The following SORCS2 variants were observed in gnomAD, a reference collection of about 807,000 sequenced individuals.
The protein encoded by SORCS2 is sortilin related VPS10 domain containing receptor 2.
SORCS2 carries 100 observed loss-of-function variants against 141.6 expected under a neutral mutation model. The ratio of observed to expected loss-of-function variants is 0.71; its 90% confidence interval spans 0.60 to 0.83. The LOEUF is 0.83. Ranked by LOEUF, SORCS2 falls within the 40% of genes least tolerant of loss-of-function variation. The probability of loss-of-function intolerance (pLI) is 0.00; values close to 1 mark genes in which losing one functional copy is unlikely to be tolerated. For missense variants in SORCS2, 1,646 were observed against 1,560.2 expected (o/e 1.05, Z -0.93); for synonymous variants, 789 against 676.9 (o/e 1.17, Z -2.57).
intron 1 of SORCS2, among the ~76,000 whole-genome samples, chr4:7,280,593 G>A (rs180928347): frequency 2.6e-5 from 4 of 152,326 alleles, no homozygotes; most frequent in African/African-American, 4.8e-5. Flanking sequence ...GGATGGCGTG[G>A]TAAGAATATA....
intron 3 of SORCS2, among the ~76,000 whole-genome samples, chr4:7,578,669 G>A (rs933908355): frequency 2.0e-5 from 3 of 152,176 alleles, no homozygotes; most frequent in Non-Finnish European, 2.9e-5. Context: ...GGGGCAGGCC[G>A]CCTGGGCTGC....
At chr4:7,350,929 G>A (rs1342249602) in intron 1 of SORCS2, among the ~76,000 whole-genome samples, 1 of 152,142 alleles carries the variant, frequency 6.6e-6, no homozygotes, top group Non-Finnish European at 1.5e-5. Context: ...TCTTCCCTGT[G>A]CTACTGTCTA....
rs190260943 is a variant in SORCS2, at chr4:7,373,818, A to T, written c.481-22470A>T. 1.6e-3 allele frequency among the ~76,000 whole-genome samples: 238 copies of T among 152,074 alleles called. 1 individual carries two copies. Among genetic ancestry groups the T allele is most frequent in the South Asian group, 4.0e-3 (19 of 4,810 alleles). On this transcript the variant is annotated intron_variant, in intron 1 of 26. Transcript: ENST00000507866. ...CTTTATATATTCTGACTGCAAATCC[A>T]TTGCTGGATGTGTACTTTGCAAAAA...
chr4:7,222,728 G>A (rs1259471491), intron 1 of SORCS2, among the ~76,000 whole-genome samples: 2 of 152,096 alleles, frequency 1.3e-5, no homozygotes, highest in African/African-American at 2.4e-5. Flanking sequence ...AGGAGAGAGC[G>A]GGAGGATCTG....
intron 1 of SORCS2, among the ~76,000 whole-genome samples, chr4:7,394,221 A>G (rs1316012333): frequency 6.6e-6 from 1 of 152,016 alleles, no homozygotes; most frequent in Non-Finnish European, 1.5e-5. Flanking sequence ...TGCATAAACG[A>G]TCCTTCCTTT....
At chr4:7,633,576 AGAAT>A (rs57627813) in intron 3 of SORCS2, among the ~76,000 whole-genome samples, 1 of 151,970 alleles carries the variant, frequency 6.6e-6, no homozygotes, top group Non-Finnish European at 1.5e-5. Context: ...GCAATGTGAA[AGAAT>A]GAATGAATGA....
At chr4:7,320,006 T>G (rs973554956) in intron 1 of SORCS2, among the ~76,000 whole-genome samples, 2 of 152,000 alleles carry the variant, frequency 1.3e-5, no homozygotes, top group African/African-American at 4.8e-5. Context: ...TACTCTTTTT[T>G]AAAAAGACAG....
In SORCS2 at chr4:7,439,947, C is replaced by T. The variant is rs573276278; in HGVS notation, c.548+43592C>T. Among the ~76,000 whole-genome samples the T allele has an allele frequency of 4.1e-4, 62 of 152,190 alleles. No homozygotes were observed. The South Asian group carries it at 4.1e-3, about 10-fold the overall frequency. On this transcript the variant is annotated intron_variant, in intron 2 of 26. Transcript: ENST00000507866. Reference sequence around the variant, plus strand: ...CTGAGCAGATTCCCCAGGACTTCTCCGAAGTGACCACAGCAGCTGCTGTCA... The same window carrying T: ...CTGAGCAGATTCCCCAGGACTTCTCTGAAGTGACCACAGCAGCTGCTGTCA...
chr4:7,614,025 A>C (rs1426850702), intron 3 of SORCS2, among the ~76,000 whole-genome samples: 1 of 150,850 alleles, frequency 6.6e-6, no homozygotes, highest in Non-Finnish European at 1.5e-5. Flanking sequence ...CCCATTCACC[A>C]TCATTCACCC....
rs141164023 is a variant in SORCS2, at chr4:7,616,776, A to C, written c.649-21552A>C. Among the ~76,000 whole-genome samples, 756 of 152,378 alleles carry C rather than the reference A, an allele frequency of 5.0e-3. 8 individuals are homozygous for C. The highest frequency in any genetic ancestry group is 0.018 in the African/African-American group (735 of 41,588). On this transcript the variant is annotated intron_variant, in intron 3 of 26. Coordinates refer to ENST00000507866, the MANE Select transcript of SORCS2 (RefSeq NM_020777.3). ...CATAACTTAAAGAGCTTGTTTTAAA[A>C]ACTGACTATAAAACCATTTAATTAC...
Position 7,262,270 on chromosome 4 carries a change from C to T in SORCS2, c.480+69144C>T, listed in dbSNP as rs976529417. Among the ~76,000 whole-genome samples, 4 of 151,038 alleles carry T rather than the reference C, an allele frequency of 2.6e-5. No homozygotes were observed. In the East Asian group the frequency reaches 5.9e-4, roughly 22 times the overall value. On this transcript the variant is annotated intron_variant, in intron 1 of 26. Coordinates refer to ENST00000507866, the MANE Select transcript of SORCS2 (RefSeq NM_020777.3). ...TCCATCCACCCACCTATCCATCCAC[C>T]CACCTATCCATCTATCCACCCACCC...
intron 5 of SORCS2, among the ~76,000 whole-genome samples, chr4:7,660,130 A>C (rs2108912862): frequency 6.6e-6 from 1 of 152,346 alleles, no homozygotes. Flanking sequence ...AAATGAGTTC[A>C]AGTGACATGC....
intron 20 of SORCS2, 44 bp downstream of exon 20, chr4:7,725,331 C>T (rs760754969): frequency 6.3e-7 from 1 of 1,589,554 alleles, no homozygotes; most frequent in Non-Finnish European, 8.6e-7. Flanking sequence ...CCCGCAGGCT[C>T]CCCACAAGCT....
At chr4:7,470,843 C>A (rs993636490) in intron 2 of SORCS2, among the ~76,000 whole-genome samples, 1 of 152,258 alleles carries the variant, frequency 6.6e-6, no homozygotes, top group Admixed American at 6.5e-5. Context: ...TTGCTGCATC[C>A]TCACCTAAAG....
intron 13 of SORCS2, 124 bp downstream of exon 13, chr4:7,703,495 C>A: frequency 1.4e-6 from 1 of 733,698 alleles, no homozygotes; most frequent in Non-Finnish European, 2.2e-6. Context: ...CACAGAGCAA[C>A]TGCACTAAAT....
chr4:7,718,131 C>T lies in SORCS2; in HGVS notation c.2372C>T (p.Ala791Val), dbSNP rs574812339. ...CTGCAGGTCAGCATTCAAGGCGAGGCGGTGGCCGTGCGGCCTGGAGAGGAC... is the reference window on the plus strand; with the variant it reads ...CTGCAGGTCAGCATTCAAGGCGAGGTGGTGGCCGTGCGGCCTGGAGAGGAC... ...RGLQVSIQGE[A>V]VAVRPGEDVL... The change falls in exon 18 of 27, where the codon GCG becomes GTG. Residue 791 changes from alanine to valine, a missense_variant. By Grantham distance (64) the Ala-to-Val change is moderately conservative. Coordinates refer to ENST00000507866, the MANE Select transcript of SORCS2 (RefSeq NM_020777.3). The T allele has an allele frequency of 4.3e-6, 7 of 1,611,706 alleles. No individual in the cohort carries two copies. The highest frequency in any genetic ancestry group is 2.2e-5 in the East Asian group (1 of 44,782).
intron 1 of SORCS2, among the ~76,000 whole-genome samples, chr4:7,291,408 G>A (rs887258611): frequency 2.6e-5 from 4 of 152,138 alleles, no homozygotes; most frequent in Admixed American, 1.3e-4. Flanking sequence ...GCTGGTGGTC[G>A]GGCCAGCGAG....
At chr4:7,346,743 T>A (rs1451736843) in intron 1 of SORCS2, among the ~76,000 whole-genome samples, 2 of 152,246 alleles carry the variant, frequency 1.3e-5, no homozygotes, top group African/African-American at 4.8e-5. Context: ...TTTGTACTTG[T>A]TATATCTTCC....
intron 2 of SORCS2, among the ~76,000 whole-genome samples, chr4:7,437,226 C>T (rs113542161): frequency 6.4e-4 from 98 of 152,230 alleles, no homozygotes; most frequent in African/African-American, 2.2e-3. Flanking sequence ...GTCCTGAGAC[C>T]CCCTCCTCGG....
Sources: gnomAD v4.1 joint callset for allele counts (sites outside exome capture counted in the v4.1 genomes callset) on GRCh38, gnomAD v4.1.1 for gene constraint, MANE v1.5 for transcripts, NCBI Gene and HGNC (gene_info 2026-07-23, HGNC 2026-07-21) for gene names.